The following LRP1B variants were observed in gnomAD, a reference collection of about 807,000 sequenced individuals.
LRP1B encodes low-density lipoprotein receptor-related protein 1B.
Under a neutral mutation model 556.6 loss-of-function variants are expected in LRP1B, and 217 were observed. The ratio of observed to expected loss-of-function variants is 0.39; its 90% CI spans 0.35 to 0.44. The LOEUF (loss-of-function observed/expected upper bound fraction) is 0.44, where lower values mean the gene tolerates loss of function less well. LRP1B is among the 20% of genes least tolerant of loss of function. The pLI, the probability that LRP1B is intolerant of heterozygous loss-of-function variation, is 1.00. For synonymous variants in LRP1B, 2,047 were observed against 1,865.8 expected (o/e 1.10, Z -2.50); for missense variants, 5,053 against 5,620.8 (o/e 0.90, Z 3.23).
intron 43 of LRP1B, among the ~76,000 whole-genome samples, chr2:140,545,888 T>G (rs922206267): frequency 1.3e-5 from 2 of 152,124 alleles, no homozygotes; most frequent in Admixed American, 1.3e-4. Context: ...TTCGTATCCA[T>G]GAGCATGGAA....
intron 1 of LRP1B, among the ~76,000 whole-genome samples, chr2:141,865,210 C>G (rs1014624990): frequency 1.1e-4 from 17 of 152,076 alleles, no homozygotes; most frequent in Non-Finnish European, 4.4e-5. Context: ...TCCTCCTTCC[C>G]CACTCTACTT....
intron 7 of LRP1B, among the ~76,000 whole-genome samples, chr2:141,177,335 C>A (rs1680782068): frequency 6.6e-6 from 1 of 152,094 alleles, no homozygotes; most frequent in African/African-American, 2.4e-5. Flanking sequence ...GTTACCTTAA[C>A]TAATGCTGTA....
chr2:141,612,122 G>A (rs573293898), intron 2 of LRP1B, among the ~76,000 whole-genome samples: 1 of 152,272 alleles, frequency 6.6e-6, no homozygotes, highest in East Asian at 1.9e-4. Flanking sequence ...CCCAAATAAA[G>A]CTTCATTAAA....
At chr2:140,699,900 A>G (rs893859011) in intron 41 of LRP1B, among the ~76,000 whole-genome samples, 6 of 142,064 alleles carry the variant, frequency 4.2e-5, no homozygotes, top group Non-Finnish European at 6.0e-5. Context: ...ATTCTTAAAT[A>G]TACAATTTGC....
intron 18 of LRP1B, among the ~76,000 whole-genome samples, chr2:140,967,744 C>T (rs1696277320): frequency 6.6e-6 from 1 of 152,002 alleles, no homozygotes; most frequent in Non-Finnish European, 1.5e-5. Flanking sequence ...GAGTTTTTAG[C>T]ATGAAGTGCT....
chr2:141,294,391 A>T (rs534477687), intron 3 of LRP1B, among the ~76,000 whole-genome samples: 24 of 150,460 alleles, frequency 1.6e-4, no homozygotes, highest in Admixed American at 5.3e-4. Flanking sequence ...TAATAATAGA[A>T]CTTATCATGA....
chr2:140,927,855 C>T lies in LRP1B; in HGVS notation c.3137-4708G>A, dbSNP rs563039973. Among the ~76,000 whole-genome samples, 4 of 151,576 alleles carry T rather than the reference C, an allele frequency of 2.6e-5. No homozygotes were observed. The South Asian group carries it at 6.3e-4, about 24-fold the overall frequency. Reference sequence around the variant, plus strand: ...CCCAGAAGCTGGGACTACAGGCACCCGCCATCATGCCCGGCTATTCATTTA... The same window carrying T: ...CCCAGAAGCTGGGACTACAGGCACCTGCCATCATGCCCGGCTATTCATTTA... On this transcript the variant is annotated intron_variant, in intron 20 of 90. Transcript: ENST00000389484.
At chr2:141,764,858 A>G (rs757477168) in intron 2 of LRP1B, among the ~76,000 whole-genome samples, 1 of 152,168 alleles carries the variant, frequency 6.6e-6, no homozygotes, top group East Asian at 1.9e-4. Flanking sequence ...GCACAAATAT[A>G]TAACAGAAAA....
chr2:141,472,221 G>A (rs1055442541), intron 3 of LRP1B, among the ~76,000 whole-genome samples: 1 of 152,084 alleles, frequency 6.6e-6, no homozygotes, highest in African/African-American at 2.4e-5. Context: ...TATTGGGGTG[G>A]GAGCAATGGA....
chr2:140,453,763 C>A (rs564632588), intron 62 of LRP1B, among the ~76,000 whole-genome samples: 2 of 151,902 alleles, frequency 1.3e-5, no homozygotes, highest in Non-Finnish European at 2.9e-5. Context: ...GTTTTCAATC[C>A]TAATAGAATT....
intron 1 of LRP1B, among the ~76,000 whole-genome samples, chr2:141,939,435 GAA>G (rs1286115699): frequency 6.6e-6 from 1 of 152,044 alleles, no homozygotes; most frequent in African/African-American, 2.4e-5. Flanking sequence ...TGTTATTGCA[GAA>G]AAACTGGAAA....
chr2:141,061,923 G>T lies in LRP1B; in HGVS notation c.1236+128C>A. 4.2e-6 allele frequency: 3 copies of T among 713,472 alleles called. No individual in the cohort carries two copies. The South Asian group carries it at 5.1e-5, about 12-fold the overall frequency. 44.2% of individuals were successfully genotyped at this position (713,472 alleles called of 1,614,324 possible). On this transcript the variant is annotated intron_variant, in intron 8 of 90. Coordinates refer to ENST00000389484, the MANE Select transcript of LRP1B (RefSeq NM_018557.3). ...GTGAAAAGAACATTCTCCAATATAG[G>T]AAATATACTGTAATTTTTATGACTC... is the stretch of plus-strand genomic sequence containing the variant.
intron 35 of LRP1B, among the ~76,000 whole-genome samples, chr2:140,737,962 T>C (rs1218113374): frequency 6.6e-6 from 1 of 152,188 alleles, no homozygotes; most frequent in African/African-American, 2.4e-5. Context: ...CATGCACTTT[T>C]TCCAATGCAG....
chr2:141,234,379 A>AT (rs1240017440), intron 5 of LRP1B, among the ~76,000 whole-genome samples: 1 of 151,784 alleles, frequency 6.6e-6, no homozygotes, highest in South Asian at 2.1e-4. Flanking sequence ...TTTATTTTTT[A>AT]TTTTTTTATT....
Position 141,909,524 on chromosome 2 carries a change from ACATTTTTTTTTTTTTTT to A in LRP1B, c.83-99140_83-99124del, listed in dbSNP as rs1470514365. On this transcript the variant is annotated intron_variant, in intron 1 of 90. Transcript: ENST00000389484. ...TAATTTAATCAGACTAAGGTCTCAG[ACATTTTTTTTTTTTTTT>A]TTTTTTTTTTTTTTTTTTTACCTCT... Among the ~76,000 whole-genome samples, 8 of 104,524 alleles carry A rather than the reference ACATTTTTTTTTTTTTTT, an allele frequency of 7.7e-5. No individual in the cohort carries two copies. The Middle Eastern group carries it at 0.015, about 192-fold the overall frequency. 68.6% of individuals were successfully genotyped at this position (104,524 alleles called of 152,430 possible). A position where few individuals can be genotyped will look rare whatever the true frequency, so the allele number is the denominator to read the frequency against.
intron 2 of LRP1B, among the ~76,000 whole-genome samples, chr2:141,689,697 C>T (rs1267867339): frequency 6.6e-6 from 1 of 151,614 alleles, no homozygotes; most frequent in Non-Finnish European, 1.5e-5. Flanking sequence ...TTGTTTTTCT[C>T]ATCATAACTT....
chr2:141,482,509 T>G (rs1055931075), intron 2 of LRP1B, among the ~76,000 whole-genome samples: 5 of 152,016 alleles, frequency 3.3e-5, no homozygotes, highest in Non-Finnish European at 5.9e-5. Flanking sequence ...TATATATATG[T>G]GTGTGTGCAT....
intron 3 of LRP1B, among the ~76,000 whole-genome samples, chr2:141,333,014 T>C (rs1036948400): frequency 2.0e-5 from 3 of 152,076 alleles, no homozygotes; most frequent in Non-Finnish European, 4.4e-5. Flanking sequence ...CTTCACTTTT[T>C]TAAAATCTTT....
rs2105362921 is a variant in LRP1B, at chr2:140,485,439, A to T, written c.9329T>A (p.Ile3110Asn). ...NLYWSDTEKR[I>N]IEVSKLNGLY... ...GCCATTGAGTTTGGATACTTCAATGATTCTTTTTTCTGTGTCAGACCAATA... is the reference window on the plus strand; with the variant it reads ...GCCATTGAGTTTGGATACTTCAATGTTTCTTTTTTCTGTGTCAGACCAATA... Residue 3110 changes from isoleucine (I) to asparagine (N), a missense_variant, in exon 59 of 91, where the codon ATC becomes AAC. By Grantham distance (149) the Ile-to-Asn change is moderately radical. Coordinates refer to ENST00000389484, the MANE Select transcript of LRP1B (RefSeq NM_018557.3). 6.2e-7 allele frequency: 1 copy of T among 1,613,952 alleles called. No homozygotes were observed. Among genetic ancestry groups the T allele is most frequent in the Non-Finnish European group, 8.5e-7 (1 of 1,179,876 alleles).
Sources: allele counts gnomAD v4.1 joint callset (sites outside exome capture counted in the v4.1 genomes callset), GRCh38; gene constraint gnomAD v4.1.1; transcripts MANE v1.5; gene names NCBI Gene and HGNC (gene_info 2026-07-23, HGNC 2026-07-21).